Variants in SPIDR observed in about 807,000 individuals in gnomAD.
SPIDR encodes DNA repair-scaffolding protein.
In SPIDR, 93 loss-of-function variants were observed where a neutral mutation model predicts 104.6. That is an observed-to-expected ratio of 0.89 (90% CI 0.75 to 1.06). The LOEUF (loss-of-function observed/expected upper bound fraction) is 1.06. SPIDR is among the 50% of genes least tolerant of loss of function. SPIDR has a pLI of 0.00. For missense variants in SPIDR, 1,154 were observed against 1,111.2 expected (o/e 1.04, Z -0.55); for synonymous variants, 431 against 416.9 (o/e 1.03, Z -0.41).
At chr8:47,313,195 T>C (rs1449755452) in intron 5 of SPIDR, among the ~76,000 whole-genome samples, 12 of 152,182 alleles carry the variant, frequency 7.9e-5, no homozygotes, top group Non-Finnish European at 1.5e-4. Flanking sequence ...CTTAAGCTGA[T>C]AAGCAACTTC....
intron 10 of SPIDR, among the ~76,000 whole-genome samples, chr8:47,650,032 C>T (rs1441901234): frequency 3.9e-5 from 6 of 152,136 alleles, no homozygotes; most frequent in Non-Finnish European, 1.5e-5. Flanking sequence ...GAAAGCATTC[C>T]CCTTGATAAC....
chr8:47,468,901 G>A (rs183234892), intron 8 of SPIDR, among the ~76,000 whole-genome samples: 80 of 152,150 alleles, frequency 5.3e-4, no homozygotes, highest in African/African-American at 9.6e-4. Context: ...GACAACTATC[G>A]ACAGCCTACA....
chr8:47,553,441 T>C (rs1270767374), intron 8 of SPIDR, among the ~76,000 whole-genome samples: 2 of 152,192 alleles, frequency 1.3e-5, no homozygotes, highest in East Asian at 1.9e-4. Flanking sequence ...CATTGTTCGT[T>C]TCTTTTTACT....
chr8:47,347,901 A>T (rs2052503930), intron 5 of SPIDR, among the ~76,000 whole-genome samples: 1 of 151,984 alleles, frequency 6.6e-6, no homozygotes, highest in Non-Finnish European at 1.5e-5. Context: ...GGCTCTATCC[A>T]ATTTGCTCGT....
intron 10 of SPIDR, among the ~76,000 whole-genome samples, chr8:47,668,391 T>A (rs1270896053): frequency 1.3e-5 from 2 of 152,086 alleles, no homozygotes; most frequent in African/African-American, 4.8e-5. Context: ...ATTTGCCACA[T>A]TAACGTGTTA....
intron 10 of SPIDR, among the ~76,000 whole-genome samples, chr8:47,668,820 C>A (rs1182854931): frequency 6.6e-6 from 1 of 152,088 alleles, no homozygotes; most frequent in African/African-American, 2.4e-5. Flanking sequence ...CAACACACAA[C>A]AACAAACAAA....
At chr8:47,340,745 C>G (rs1402685346) in intron 5 of SPIDR, among the ~76,000 whole-genome samples, 6 of 152,172 alleles carry the variant, frequency 3.9e-5, no homozygotes, top group African/African-American at 1.2e-4. Context: ...CACCTGAACT[C>G]TAGGGAGGTC....
intron 8 of SPIDR, among the ~76,000 whole-genome samples, chr8:47,586,093 T>C (rs539879910): frequency 6.6e-6 from 1 of 152,350 alleles, no homozygotes; most frequent in Admixed American, 6.5e-5. Flanking sequence ...CTGAATAGTA[T>C]TCCATGATAT....
intron 8 of SPIDR, chr8:47,511,074 T>G (rs1366475215): frequency 2.6e-6 from 3 of 1,140,470 alleles, no homozygotes; most frequent in Non-Finnish European, 4.0e-6. Flanking sequence ...GCAGGTTGGC[T>G]TCCTTCAGGG....
intron 5 of SPIDR, among the ~76,000 whole-genome samples, chr8:47,332,169 T>G: frequency 2.0e-5 from 1 of 49,244 alleles, no homozygotes; most frequent in African/African-American, 7.5e-5. Flanking sequence ...CCCACCACAG[T>G]CCCCAGAGTG....
rs2083090123 is a variant in SPIDR at position 47,719,529 on chromosome 8, A to AT, written c.2341+5889dup. Among the ~76,000 whole-genome samples, 5 of 152,108 alleles carry AT rather than the reference A, an allele frequency of 3.3e-5. No homozygotes were observed. The South Asian group carries it at 1.0e-3, about 32-fold the overall frequency. ...GTATCAAAAAAAAAAAATAGAAAGC[A>AT]TATAAGCACCAGTTGTGTCTGGCCA... On this transcript the variant is annotated intron_variant, in intron 16 of 19. Coordinates refer to ENST00000297423, the MANE Select transcript of SPIDR (RefSeq NM_001080394.4).
chr8:47,587,111 T>A (rs1324898903), intron 8 of SPIDR, among the ~76,000 whole-genome samples: 1 of 152,172 alleles, frequency 6.6e-6, no homozygotes, highest in Non-Finnish European at 1.5e-5. Context: ...ATCTTAAGTC[T>A]AAGTACTCTT....
At chr8:47,346,093 T>C (rs2051948297) in intron 5 of SPIDR, among the ~76,000 whole-genome samples, 1 of 152,208 alleles carries the variant, frequency 6.6e-6, no homozygotes, top group Non-Finnish European at 1.5e-5. Flanking sequence ...TGACATTGGC[T>C]GTGGGTTTGT....
At chr8:47,589,022 G>GTTTTTTTTATTTTTT (rs2060642359) in intron 8 of SPIDR, among the ~76,000 whole-genome samples, 1 of 89,056 alleles carries the variant, frequency 1.1e-5, no homozygotes, top group Non-Finnish European at 2.3e-5. Context: ...TTTATAGTTT[G>GTTTTTTTTATTTTTT]TTTTTTTTTT....
intron 8 of SPIDR, among the ~76,000 whole-genome samples, chr8:47,486,159 T>G (rs536326767): frequency 1.3e-5 from 2 of 152,246 alleles, no homozygotes; most frequent in South Asian, 4.1e-4. Context: ...AGTCCTTAAA[T>G]GACCTGATTG....
chr8:47,428,330 G>T (rs540581594), intron 7 of SPIDR, among the ~76,000 whole-genome samples: 5 of 152,148 alleles, frequency 3.3e-5, no homozygotes, highest in African/African-American at 1.2e-4. Context: ...TCTTTGATGC[G>T]GTATTTTCCA....
chr8:47,681,071 AAAAG>A (rs2077039235), intron 11 of SPIDR, among the ~76,000 whole-genome samples: 1 of 152,240 alleles, frequency 6.6e-6, no homozygotes, highest in Non-Finnish European at 1.5e-5. Context: ...TCAAAAAACA[AAAAG>A]AGAGAGAGAG....
chr8:47,290,217 A>G (rs1310698742), intron 3 of SPIDR, among the ~76,000 whole-genome samples: 1 of 152,006 alleles, frequency 6.6e-6, no homozygotes, highest in Non-Finnish European at 1.5e-5. Flanking sequence ...AATTTTTTGT[A>G]TTTTTAGTAG....
chr8:47,594,057 G>A (rs1389717818), intron 8 of SPIDR, among the ~76,000 whole-genome samples: 1 of 152,014 alleles, frequency 6.6e-6, no homozygotes, highest in Non-Finnish European at 1.5e-5. Context: ...ACTCGTTGCA[G>A]GCCTGTGGGA....
Sources: gnomAD v4.1 joint callset for allele counts (sites outside exome capture counted in the v4.1 genomes callset) on GRCh38, gnomAD v4.1.1 for gene constraint, MANE v1.5 for transcripts, NCBI Gene and HGNC (gene_info 2026-07-23, HGNC 2026-07-21) for gene names.